Variants in ASTN2 observed in about 807,000 individuals in gnomAD.
The protein encoded by ASTN2 is astrotactin 2.
In ASTN2, 54 loss-of-function variants were observed where a neutral mutation model predicts 139.8. That is an observed-to-expected ratio of 0.39 (90% CI 0.31 to 0.48). ASTN2 has a LOEUF of 0.48. ASTN2 is among the 20% of genes least tolerant of loss of function. The pLI is 0.95. For missense variants in ASTN2, 1,565 were observed against 1,725.1 expected, an observed-to-expected ratio of 0.91 and a Z score of 1.64; for synonymous variants, 756 against 719.5, an observed-to-expected ratio of 1.05 and a Z score of -0.81.
At chr9:117,018,526 T>C (rs1020974528) in intron 6 of ASTN2, among the ~76,000 whole-genome samples, 1 of 152,172 alleles carries the variant, frequency 6.6e-6, no homozygotes, top group Admixed American at 6.6e-5. Context: ...TCAGTGTGTG[T>C]ATGTTTGTAA....
chr9:117,028,121 A>T (rs1838148983), intron 6 of ASTN2, among the ~76,000 whole-genome samples: 1 of 152,132 alleles, frequency 6.6e-6, no homozygotes, highest in African/African-American at 2.4e-5. Flanking sequence ...CTGAGCAGGC[A>T]CTCAGCAAAT....
At chr9:117,231,216 T>C (rs761187277) in intron 2 of ASTN2, among the ~76,000 whole-genome samples, 2 of 152,192 alleles carry the variant, frequency 1.3e-5, no homozygotes, top group East Asian at 1.9e-4. Context: ...CTCTGCTGAG[T>C]GATGAAAACC....
At chr9:117,197,621 A>G (rs1180022132) in intron 3 of ASTN2, among the ~76,000 whole-genome samples, 1 of 152,250 alleles carries the variant, frequency 6.6e-6, no homozygotes, top group Non-Finnish European at 1.5e-5. Flanking sequence ...ATACACACAC[A>G]TCCATATACA....
chr9:117,154,732 G>T (rs1830396037), intron 3 of ASTN2, among the ~76,000 whole-genome samples: 1 of 151,856 alleles, frequency 6.6e-6, no homozygotes, highest in African/African-American at 2.4e-5. Context: ...ATACATCAAG[G>T]TCCAAATCCT....
At chr9:116,766,424 A>T (rs959207459) in intron 13 of ASTN2, among the ~76,000 whole-genome samples, 6 of 151,936 alleles carry the variant, frequency 3.9e-5, no homozygotes, top group African/African-American at 1.5e-4. Context: ...AAACACATAC[A>T]TTCACACTCA....
intron 16 of ASTN2, chr9:116,686,732 T>G (rs927572606): frequency 3.9e-5 from 60 of 1,550,430 alleles, no homozygotes; most frequent in Non-Finnish European, 5.2e-5. Context: ...CAGAGTGTAC[T>G]CCCCAAGTCT....
At chr9:117,144,682 T>G (rs1290353371) in intron 3 of ASTN2, among the ~76,000 whole-genome samples, 4 of 72,184 alleles carry the variant, frequency 5.5e-5, no homozygotes, top group Non-Finnish European at 1.2e-4. Context: ...TTTTTTTTTT[T>G]TTTTTTTTTT....
intron 13 of ASTN2, among the ~76,000 whole-genome samples, chr9:116,738,559 T>C (rs1023563377): frequency 5.3e-5 from 8 of 151,788 alleles, no homozygotes; most frequent in African/African-American, 1.9e-4. Flanking sequence ...CAATCACCAC[T>C]AAAGAACTTA....
chr9:116,453,367 G>T (rs1848229362), intron 20 of ASTN2, among the ~76,000 whole-genome samples: 1 of 151,734 alleles, frequency 6.6e-6, no homozygotes, highest in East Asian at 1.9e-4. Context: ...GCAGAGGCGG[G>T]TGGATCACGA....
intron 10 of ASTN2, among the ~76,000 whole-genome samples, chr9:116,905,765 G>A (rs1423594791): frequency 6.6e-6 from 1 of 150,904 alleles, no homozygotes; most frequent in South Asian, 2.1e-4. Flanking sequence ...TTCCTTGGAA[G>A]AGTGGGTGGC....
intron 20 of ASTN2, among the ~76,000 whole-genome samples, chr9:116,483,151 A>C (rs866504779): frequency 5.9e-5 from 9 of 152,182 alleles, no homozygotes; most frequent in Admixed American, 6.5e-5. Flanking sequence ...CCTCGATTCC[A>C]ACAACCCACC....
intron 1 of ASTN2, among the ~76,000 whole-genome samples, chr9:117,347,363 T>C (rs552024881): frequency 6.6e-6 from 1 of 152,130 alleles, no homozygotes; most frequent in South Asian, 2.1e-4. Context: ...AGTCTCTCAT[T>C]TGCTCTCACC....
chr9:116,487,616 T>A, intron 19 of ASTN2, 116 bp from the exon 20 acceptor site: 1 of 1,025,544 alleles, frequency 9.8e-7, no homozygotes, highest in Non-Finnish European at 1.4e-6. Flanking sequence ...AAATAATGGA[T>A]AGAAAAAGCA....
At position 116,729,018 on chromosome 9, in the gene ASTN2, T is replaced by G. The variant is rs1211707602; in HGVS notation, c.2600A>C (p.Lys867Thr). ...TGCTGCGAGGGTGATGGTGCTGAGC[T>G]TCACACGGTAGAGGTTGCTCCGGAC... ...WRVRSNLYRV[K>T]LSTITLAAGF... The change falls in exon 15 of 23, where the codon AAG (lysine) becomes ACG (threonine). Residue 867 changes from lysine (K) to threonine (T), a missense_variant. Lys to Thr is a moderately conservative substitution (Grantham distance 78). Transcript: ENST00000313400. The G allele has an allele frequency of 6.3e-7, 1 of 1,585,694 alleles. No homozygotes were observed. The highest frequency in any genetic ancestry group is 8.6e-7 in the Non-Finnish European group (1 of 1,164,880).
At chr9:117,262,822 C>G (rs746337684) in intron 2 of ASTN2, among the ~76,000 whole-genome samples, 2 of 152,026 alleles carry the variant, frequency 1.3e-5, no homozygotes, top group Non-Finnish European at 2.9e-5. Flanking sequence ...AAAAGAGGGG[C>G]GCAGAAGAGA....
chr9:116,898,693 A>G (rs1193354699), intron 10 of ASTN2, among the ~76,000 whole-genome samples: 1 of 152,152 alleles, frequency 6.6e-6, no homozygotes, highest in Non-Finnish European at 1.5e-5. Context: ...TTTTTGAGAC[A>G]GGGTCTCGCT....
At chr9:116,744,120 G>A (rs758094578) in intron 13 of ASTN2, among the ~76,000 whole-genome samples, 5 of 152,082 alleles carry the variant, frequency 3.3e-5, no homozygotes, top group Non-Finnish European at 7.4e-5. Flanking sequence ...TGAGGGTGGG[G>A]CCTAGGCAGA....
chr9:117,124,272 C>T (rs1587989528), intron 4 of ASTN2, among the ~76,000 whole-genome samples: 1 of 152,250 alleles, frequency 6.6e-6, no homozygotes, highest in East Asian at 1.9e-4. Flanking sequence ...TCAGTTTTCT[C>T]ATTTGTGTTA....
At chr9:116,777,876 G>GTCTTAT (rs61149042) in intron 13 of ASTN2, among the ~76,000 whole-genome samples, 2 of 152,048 alleles carry the variant, frequency 1.3e-5, no homozygotes, top group African/African-American at 4.8e-5. Context: ...TTGACATGGA[G>GTCTTAT]TCTGTTGTCA....
Sources: allele counts gnomAD v4.1 joint callset (sites outside exome capture counted in the v4.1 genomes callset), GRCh38; gene constraint gnomAD v4.1.1; transcripts MANE v1.5; gene names NCBI Gene and HGNC (gene_info 2026-07-23, HGNC 2026-07-21).